PHC3: variants seen among roughly 807,000 people sequenced by gnomAD.
PHC3 encodes polyhomeotic-like protein 3.
A neutral mutation model predicts 107.4 loss-of-function variants in PHC3; 13 were observed. The ratio of observed to expected loss-of-function variants is 0.12; its 90% confidence interval spans 0.08 to 0.19. The LOEUF is 0.19. Ranked by LOEUF, PHC3 falls within the 10% of genes least tolerant of loss-of-function variation. The probability of loss-of-function intolerance (pLI) is 1.00; values close to 1 mark genes in which losing one functional copy is unlikely to be tolerated. For missense variants in PHC3, 992 were observed against 1,210.9 expected (o/e 0.82, Z 2.68); for synonymous variants, 456 against 427.4 (o/e 1.07, Z -0.83).
At chr3:170,115,896 C>CACACACAT in intron 10 of PHC3, among the ~76,000 whole-genome samples, 1 of 152,102 alleles carries the variant, frequency 6.6e-6, no homozygotes, top group East Asian at 1.9e-4. Flanking sequence ...CACACACACA[C>CACACACAT]ACACACACGA....
At chr3:170,116,091 G>T (rs1300709410) in intron 10 of PHC3, among the ~76,000 whole-genome samples, 1 of 152,084 alleles carries the variant, frequency 6.6e-6, no homozygotes, top group Non-Finnish European at 1.5e-5. Context: ...TACAAATTAT[G>T]TACAGCTTAG....
intron 9 of PHC3, among the ~76,000 whole-genome samples, chr3:170,117,854 A>C (rs1254082038): frequency 6.6e-6 from 1 of 151,956 alleles, no homozygotes; most frequent in Non-Finnish European, 1.5e-5. Context: ...CAAAAAAAAA[A>C]AAAACAAAAT....
chr3:170,175,111 A>G (rs1730213877), intron 2 of PHC3, among the ~76,000 whole-genome samples: 1 of 152,166 alleles, frequency 6.6e-6, no homozygotes, highest in South Asian at 2.1e-4. Context: ...ATTCTTATTC[A>G]CCCAAGGAGG....
At chr3:170,098,125 G>A (rs1655798390) in intron 14 of PHC3, among the ~76,000 whole-genome samples, 1 of 152,116 alleles carries the variant, frequency 6.6e-6, no homozygotes, top group African/African-American at 2.4e-5. Flanking sequence ...TAAACCAGGT[G>A]CTTTAGCAGG....
intron 5 of PHC3, chr3:170,148,508 T>C (rs1387413511): frequency 6.6e-6 from 1 of 152,232 alleles, no homozygotes; most frequent in African/African-American, 2.4e-5. Context: ...TTAACATTCC[T>C]ATATTCATAA....
intron 11 of PHC3, among the ~76,000 whole-genome samples, chr3:170,112,075 C>G (rs181525492): frequency 3.7e-4 from 56 of 152,300 alleles, no homozygotes; most frequent in Non-Finnish European, 1.2e-4. Context: ...CACGGCAATT[C>G]AGAATCTCAG....
rs1350447710 is a variant in PHC3, at chr3:170,096,271, T to C, written c.*959A>G. ...TGTTATCTGAATAATACTTCCATCA[T>C]ATATGTTTAGTAAGCTTCATCCTTT... On this transcript the variant is annotated 3_prime_UTR_variant, in exon 15 of 15. Coordinates refer to ENST00000495893, the MANE Select transcript of PHC3 (RefSeq NM_024947.4). 6.6e-6 allele frequency: 1 copy of C among 152,178 alleles called. No homozygotes were observed. Among genetic ancestry groups the C allele is most frequent in the East Asian group, 1.9e-4 (1 of 5,208 alleles). 9.4% of individuals were successfully genotyped at this position (152,178 alleles called of 1,614,324 possible). A position where few individuals can be genotyped will look rare whatever the true frequency, so the allele number is the denominator to read the frequency against.
intron 11 of PHC3, among the ~76,000 whole-genome samples, chr3:170,108,725 A>G (rs1717042016): frequency 1.3e-5 from 2 of 152,180 alleles, no homozygotes; most frequent in Admixed American, 1.3e-4. Flanking sequence ...CTGACTGAGA[A>G]GCCTATAGGG....
intron 6 of PHC3, among the ~76,000 whole-genome samples, chr3:170,143,284 A>C (rs1180482176): frequency 1.3e-5 from 2 of 152,210 alleles, no homozygotes; most frequent in Non-Finnish European, 2.9e-5. Flanking sequence ...GAAAAATCTT[A>C]AAGTTAACAG....
intron 7 of PHC3, among the ~76,000 whole-genome samples, chr3:170,131,809 C>T (rs1722300439): frequency 6.6e-6 from 1 of 152,118 alleles, no homozygotes; most frequent in African/African-American, 2.4e-5. Context: ...TGCACTCCAG[C>T]CTGGGCAACA....
intron 2 of PHC3, among the ~76,000 whole-genome samples, chr3:170,177,368 T>G (rs1730635618): frequency 6.6e-6 from 1 of 151,666 alleles, no homozygotes; most frequent in Non-Finnish European, 1.5e-5. Flanking sequence ...CTCTCAATAC[T>G]ATATATATAT....
At chr3:170,125,229 GATA>G (rs1293916646) in intron 8 of PHC3, among the ~76,000 whole-genome samples, 7 of 152,164 alleles carry the variant, frequency 4.6e-5, no homozygotes, top group African/African-American at 1.7e-4. Flanking sequence ...ATCGGTTCAT[GATA>G]ATAACAGTTT....
chr3:170,108,871 C>G (rs141865375), intron 11 of PHC3, among the ~76,000 whole-genome samples: 1,850 of 152,144 alleles, frequency 0.012, 40 homozygotes, highest in African/African-American at 0.042. Context: ...ATAGCAATGT[C>G]CAACACCTGA....
chr3:170,171,717 T>G (rs1729630774), intron 3 of PHC3, among the ~76,000 whole-genome samples: 2 of 152,206 alleles, frequency 1.3e-5, no homozygotes, highest in Non-Finnish European at 2.9e-5. Flanking sequence ...CTGTCATCTT[T>G]AAAGTGGAAT....
chr3:170,170,411 A>T (rs995057521), intron 4 of PHC3: 1 of 150,012 alleles, frequency 6.7e-6, no homozygotes, highest in African/African-American at 2.5e-5. Context: ...ACATCCTATA[A>T]ATTACACGAT....
chr3:170,167,692 G>A (rs1728941139), intron 4 of PHC3, among the ~76,000 whole-genome samples: 1 of 151,460 alleles, frequency 6.6e-6, no homozygotes. Flanking sequence ...CCCAAGAGGT[G>A]GAGGTTGCAA....
Position 170,111,376 on chromosome 3 carries a change from G to A in PHC3, c.2353+1984C>T, listed in dbSNP as rs1433951953. 3.5e-5 allele frequency among the ~76,000 whole-genome samples: 5 copies of A among 143,430 alleles called. No homozygotes were observed. In the South Asian group the frequency reaches 1.1e-3, roughly 32 times the overall value. The allele number at this position is 143,430 out of a possible 152,430, so 94.1% of individuals were successfully genotyped here. A position where few individuals can be genotyped will look rare whatever the true frequency, so the allele number is the denominator to read the frequency against. Reference sequence around the variant, plus strand: ...GGAAAGGGAAGGAAGGAAAAAGAAAGAAAGAGAGAGAAAGAAAGAGGAAGG... The same window carrying A: ...GGAAAGGGAAGGAAGGAAAAAGAAAAAAAGAGAGAGAAAGAAAGAGGAAGG... On this transcript the variant is annotated intron_variant, in intron 11 of 14. Transcript: ENST00000495893.
At chr3:170,107,849 C>T (rs967020115) in intron 11 of PHC3, among the ~76,000 whole-genome samples, 11 of 152,078 alleles carry the variant, frequency 7.2e-5, no homozygotes, top group Admixed American at 5.9e-4. Flanking sequence ...GCTAAATCCC[C>T]GGGTACTCGG....
Position 170,172,587 on chromosome 3 carries a change from G to C in PHC3, c.306C>G (p.Ser102Arg), listed in dbSNP as rs1263711818. 2.5e-6 allele frequency: 4 copies of C among 1,613,428 alleles called. No individual in the cohort carries two copies. In the South Asian group the frequency reaches 4.4e-5, roughly 18 times the overall value. The change falls in exon 3 of 15, where the codon AGC (serine) becomes AGG (arginine). Residue 102 changes from serine to arginine, a missense_variant. By Grantham distance (110) the Ser-to-Arg change is moderately radical. Around this residue, in one of 6 missense-constraint regions of PHC3, gnomAD observed 161 missense variants for 183.7 expected, o/e 0.88. Coordinates refer to ENST00000495893, the MANE Select transcript of PHC3 (RefSeq NM_024947.4). ...CAGCAGCAAGGCTCTGAAGCTGGGA[G>C]CTGCTTAAATGCTGCTGCTGAAGAG... The part of the protein sequence containing the change: ...TAALQQQHLS[S>R]SQLQSLAAVQ...
Sources: allele counts gnomAD v4.1 joint callset (sites outside exome capture counted in the v4.1 genomes callset), GRCh38; gene constraint gnomAD v4.1.1; regional missense constraint gnomAD v4.1.1; transcripts MANE v1.5; gene names NCBI Gene and HGNC (gene_info 2026-07-23, HGNC 2026-07-21).